The following ACSL3 variants were observed in gnomAD, a reference collection of about 807,000 sequenced individuals.
ACSL3 encodes fatty acid CoA ligase Acsl3.
A neutral mutation model predicts 84.7 loss-of-function variants in ACSL3; 34 were observed. The ratio of observed to expected loss-of-function variants is 0.40; its 90% CI spans 0.31 to 0.53. ACSL3 has a LOEUF of 0.53. Ranked by LOEUF, ACSL3 falls within the 20% of genes least tolerant of loss-of-function variation. The pLI is 0.48. For synonymous variants in ACSL3, 315 were observed against 299.4 expected (o/e 1.05, Z -0.54); for missense variants, 680 against 873.1 (o/e 0.78, Z 2.79).
At chr2:222,909,356 G>C (rs1696380055) in intron 4 of ACSL3, among the ~76,000 whole-genome samples, 1 of 152,184 alleles carries the variant, frequency 6.6e-6, no homozygotes, top group Admixed American at 6.5e-5. Flanking sequence ...TCGCAACCCA[G>C]TGGTGTGGAG....
chr2:222,915,932 G>A lies in ACSL3; in HGVS notation c.379-387G>A, dbSNP rs187036702. Among the ~76,000 whole-genome samples the A allele has an allele frequency of 1.2e-3, 176 of 152,138 alleles. 1 individual carries two copies. Among genetic ancestry groups the A allele is most frequent in the Non-Finnish European group, 2.0e-3 (133 of 68,002 alleles). The stretch of plus-strand genomic sequence containing the variant: ...GAGAAATTAAAATTTTGGCATCTGC[G>A]GTACTTGGTACTAGGCTAAATATTA... On this transcript the variant is annotated intron_variant, in intron 4 of 16. Transcript: ENST00000357430.
intron 1 of ACSL3, among the ~76,000 whole-genome samples, chr2:222,875,723 G>T (rs1695429443): frequency 6.6e-6 from 1 of 152,228 alleles, no homozygotes; most frequent in East Asian, 1.9e-4. Context: ...TTGACGGGTT[G>T]TTGAATGAGC....
At position 222,933,174 on chromosome 2, in the gene ACSL3, A is replaced by C; in HGVS notation, c.1741A>C (p.Lys581Gln). ...DGCLKIIDRK[K>Q]DLVKLQAGEY... is the part of the protein sequence containing the mutation. Reference sequence around the variant, plus strand: ...CTTTCTTTGTTTTGCAGATCGTAAAAAGGACCTTGTAAAACTACAGGCAGG... The same window carrying C: ...CTTTCTTTGTTTTGCAGATCGTAAACAGGACCTTGTAAAACTACAGGCAGG... The change falls in exon 15 of 17, where the codon AAG becomes CAG. Residue 581 changes from lysine (K) to glutamine (Q), a missense_variant. Physicochemically the swap from Lys to Gln is moderately conservative, Grantham distance 53. Transcript: ENST00000357430. 6.2e-7 allele frequency: 1 copy of C among 1,612,036 alleles called. No individual in the cohort carries two copies. Among genetic ancestry groups the C allele is most frequent in the Non-Finnish European group, 8.5e-7 (1 of 1,178,884 alleles).
At chr2:222,882,295 T>G (rs1695608506) in intron 1 of ACSL3, among the ~76,000 whole-genome samples, 1 of 152,224 alleles carries the variant, frequency 6.6e-6, no homozygotes. Context: ...GAATTCTAGG[T>G]TAAAACTTTC....
intron 16 of ACSL3, 54 bp downstream of exon 16, chr2:222,934,741 C>T: frequency 6.4e-7 from 1 of 1,562,030 alleles, no homozygotes; most frequent in Non-Finnish European, 8.7e-7. Flanking sequence ...AGAGTACTTA[C>T]ATGCATTCAA....
chr2:222,944,375 G>A lies in ACSL3; in HGVS notation c.*2721G>A, dbSNP rs1308380602. Reference sequence around the variant, plus strand: ...TGTGTGGGCTCTTTTTTTCCCATAAGAATTATGTACATCTGTGATGTTTTA... The same window carrying A: ...TGTGTGGGCTCTTTTTTTCCCATAAAAATTATGTACATCTGTGATGTTTTA... On this transcript the variant is annotated 3_prime_UTR_variant, in exon 17 of 17. Coordinates refer to ENST00000357430, the MANE Select transcript of ACSL3 (RefSeq NM_004457.5). 6.6e-6 allele frequency: 1 copy of A among 151,940 alleles called. No individual in the cohort carries two copies. Among genetic ancestry groups the A allele is most frequent in the Non-Finnish European group, 1.5e-5 (1 of 67,948 alleles). The allele number at this position is 151,940 out of a possible 1,614,324, so 9.4% of individuals were successfully genotyped here.
chr2:222,924,317 C>A, intron 10 of ACSL3, 139 bp from the exon 11 acceptor site: 1 of 723,552 alleles, frequency 1.4e-6, no homozygotes, highest in Non-Finnish European at 2.0e-6. Context: ...TTTTTTCCTT[C>A]TTGCTGAATC....
chr2:222,900,351 A>G (rs1304104677), intron 2 of ACSL3, among the ~76,000 whole-genome samples: 1 of 151,852 alleles, frequency 6.6e-6, no homozygotes, highest in African/African-American at 2.4e-5. Flanking sequence ...TTTCTTTTCA[A>G]AGTTTTCTGT....
rs188259285 is a variant in ACSL3, at chr2:222,900,043, A to G, written c.-147-631A>G. On this transcript the variant is annotated intron_variant, in intron 2 of 16. Transcript: ENST00000357430. ...TCTGGTTCAAACGCCTCTGACAGTA[A>G]TACTCATTCTAAGGTGTAGCAACAT... is the stretch of plus-strand genomic sequence containing the variant. Among the ~76,000 whole-genome samples the G allele has an allele frequency of 4.6e-5, 7 of 152,304 alleles. No individual in the cohort carries two copies. In the East Asian group the frequency reaches 1.3e-3, roughly 29 times the overall value.
chr2:222,873,558 T>A (rs1695361634), intron 1 of ACSL3, among the ~76,000 whole-genome samples: 1 of 152,214 alleles, frequency 6.6e-6, no homozygotes, highest in Non-Finnish European at 1.5e-5. Flanking sequence ...CGTAAAAGCA[T>A]AAATTCTACA....
intron 16 of ACSL3, among the ~76,000 whole-genome samples, chr2:222,935,711 C>T (rs1025146178): frequency 2.0e-5 from 3 of 152,146 alleles, no homozygotes; most frequent in South Asian, 4.1e-4. Context: ...AGAGTTAATA[C>T]ATCTTTTTTT....
Position 222,901,964 on chromosome 2 carries a change from A to AAAAATG in ACSL3, c.-41+1184_-41+1185insAAAATG, listed in dbSNP as rs57522671. ...GTCTCAAAAAAAAAAAAAAAAAAAAAGAACTCAAATATTGTTGAGGTAGCA... is the reference window on the plus strand; with the variant it reads ...GTCTCAAAAAAAAAAAAAAAAAAAAAAAAATGGAACTCAAATATTGTTGAGGTAGCA... On this transcript the variant is annotated intron_variant, in intron 3 of 16. Coordinates refer to ENST00000357430, the MANE Select transcript of ACSL3 (RefSeq NM_004457.5). 8.7e-3 allele frequency among the ~76,000 whole-genome samples: 869 copies of AAAAATG among 99,370 alleles called. 147 individuals carry two copies. Among genetic ancestry groups the AAAAATG allele is most frequent in the Middle Eastern group, 0.017 (2 of 120 alleles). 65.2% of individuals were successfully genotyped at this position (99,370 alleles called of 152,430 possible).
intron 4 of ACSL3, among the ~76,000 whole-genome samples, chr2:222,912,289 A>T (rs1017442643): frequency 6.6e-6 from 1 of 152,236 alleles, no homozygotes; most frequent in Non-Finnish European, 1.5e-5. Flanking sequence ...TCTCAGCTGC[A>T]TGTTAAACAT....
intron 1 of ACSL3, among the ~76,000 whole-genome samples, chr2:222,875,083 TA>T (rs1438982698): frequency 6.6e-6 from 1 of 152,238 alleles, no homozygotes; most frequent in Non-Finnish European, 1.5e-5. Context: ...TTGCGTTGTG[TA>T]TAACCTGCTA....
intron 3 of ACSL3, among the ~76,000 whole-genome samples, chr2:222,908,464 T>C (rs1287610505): frequency 6.6e-6 from 1 of 152,216 alleles, no homozygotes; most frequent in African/African-American, 2.4e-5. Context: ...ACTTGCTCCC[T>C]TTTTACTACT....
intron 16 of ACSL3, 125 bp downstream of exon 16, chr2:222,934,812 A>C: frequency 9.9e-7 from 1 of 1,010,380 alleles, no homozygotes; most frequent in South Asian, 1.9e-5. Context: ...CCGTTAGTAT[A>C]TGGAAGAGTA....
At chr2:222,902,500 G>T (rs1412018589) in intron 3 of ACSL3, among the ~76,000 whole-genome samples, 1 of 152,132 alleles carries the variant, frequency 6.6e-6, no homozygotes, top group Non-Finnish European at 1.5e-5. Context: ...TGGAATTCTA[G>T]TACATACCTT....
At chr2:222,911,694 A>G (rs1696443747) in intron 4 of ACSL3, among the ~76,000 whole-genome samples, 1 of 152,222 alleles carries the variant, frequency 6.6e-6, no homozygotes, top group South Asian at 2.1e-4. Flanking sequence ...AGAAAAGCTT[A>G]TGTGGTGAAT....
At chr2:222,887,076 A>G (rs1695742388) in intron 1 of ACSL3, among the ~76,000 whole-genome samples, 1 of 152,206 alleles carries the variant, frequency 6.6e-6, no homozygotes, top group East Asian at 1.9e-4. Context: ...TGCTCTGCCT[A>G]TTCATCCTCC....
Sources: gnomAD v4.1 joint callset for allele counts (sites outside exome capture counted in the v4.1 genomes callset) on GRCh38, gnomAD v4.1.1 for gene constraint, MANE v1.5 for transcripts, NCBI Gene and HGNC (gene_info 2026-07-23, HGNC 2026-07-21) for gene names.